Variants in KRT18 observed in about 807,000 individuals in gnomAD.
KRT18 encodes keratin 18, also known as keratin, type I cytoskeletal 18.
A neutral mutation model predicts 39.9 loss-of-function variants in KRT18; 8 were observed. The ratio of observed to expected loss-of-function variants is 0.20; its 90% confidence interval spans 0.12 to 0.36. The LOEUF is 0.36. KRT18 is among the 10% of genes least tolerant of loss of function. The pLI is 1.00. For missense variants in KRT18, 396 were observed against 565.7 expected, an observed-to-expected ratio of 0.70 and a Z score of 3.04; for synonymous variants, 194 against 227.8, an observed-to-expected ratio of 0.85 and a Z score of 1.33.
chr12:52,952,582 A>G (rs1942510265), intron 6 of KRT18, 140 bp from the exon 7 acceptor site: 2 of 1,013,930 alleles, frequency 2.0e-6, no homozygotes, highest in Non-Finnish European at 3.1e-6. Context: ...TTTGGCCTTG[A>G]GTTTCCCTTT....
At chr12:52,950,220 C>T in intron 1 of KRT18, 108 bp from the exon 2 acceptor site, 5 of 822,000 alleles carry the variant, frequency 6.1e-6, no homozygotes, top group Non-Finnish European at 1.1e-5. Flanking sequence ...TCTGGCTATT[C>T]CTGGGACCAG....
intron 1 of KRT18, 178 bp downstream of exon 1, chr12:52,949,768 C>T (rs1288832032): frequency 4.2e-6 from 3 of 719,724 alleles, no homozygotes; most frequent in Non-Finnish European, 7.7e-6. Context: ...AGCAGCTAGG[C>T]ATGGGAGGGC....
intron 1 of KRT18, chr12:52,949,945 A>G: frequency 1.6e-6 from 1 of 622,744 alleles, no homozygotes; most frequent in African/African-American, 1.8e-5. Context: ...TGAGTCATCT[A>G]GGAGTAAACA....
intron 5 of KRT18, 94 bp downstream of exon 5, chr12:52,951,950 T>C: frequency 6.7e-7 from 1 of 1,490,116 alleles, no homozygotes; most frequent in South Asian, 1.1e-5. Context: ...ATATCATGAG[T>C]TCCTTTAGCT....
chr12:52,950,322 C>T lies in KRT18; in HGVS notation c.418-6C>T. 6.3e-7 allele frequency: 1 copy of T among 1,592,630 alleles called. No homozygotes were observed. ...ATGGAACAACCTCTCTCTACAATCC[C>T]TCCAGATCTTCGCAAATACTGTGGA... is the stretch of plus-strand genomic sequence containing the variant. On this transcript the variant is annotated splice_region_variant and splice_polypyrimidine_tract_variant and intron_variant, in intron 1 of 6. Transcript: ENST00000388835.
At chr12:52,949,674 A>AC (rs777606363) in intron 1 of KRT18, 84 bp downstream of exon 1, 1 of 1,220,940 alleles carries the variant, frequency 8.2e-7, no homozygotes, top group Admixed American at 2.0e-5. Flanking sequence ...TCATTCCATA[A>AC]CCACCCAACC....
rs796361379 is a variant in KRT18, at chr12:52,949,473, C to A, written c.300C>A (p.Ser100Arg). The change falls in exon 1 of 7, where the codon AGC becomes AGA. Residue 100 changes from serine to arginine, a missense_variant. Coordinates refer to ENST00000388835, the MANE Select transcript of KRT18 (RefSeq NM_000224.3). ...CCTCTTACCTGGACAGAGTGAGGAG[C>A]CTGGAGACCGAGAACCGGAGGCTGG... is the stretch of plus-strand genomic sequence containing the variant. ...RLASYLDRVR[S>R]LETENRRLES... 1 of 1,502,654 alleles carries A rather than the reference C, an allele frequency of 6.7e-7. No individual in the cohort carries two copies. Among genetic ancestry groups the A allele is most frequent in the Non-Finnish European group, 8.9e-7 (1 of 1,122,736 alleles). The allele number at this position is 1,502,654 out of a possible 1,614,324, so 93.1% of individuals were successfully genotyped here.
At chr12:52,950,572 C>T (rs1942465080) in intron 2 of KRT18, 162 bp downstream of exon 2, 1 of 819,018 alleles carries the variant, frequency 1.2e-6, no homozygotes, top group South Asian at 1.4e-5. Flanking sequence ...ATTTGTATAA[C>T]CCCGTTTAAG....
intron 6 of KRT18, 185 bp downstream of exon 6, chr12:52,952,527 G>A: frequency 1.3e-6 from 1 of 776,344 alleles, no homozygotes; most frequent in Non-Finnish European, 2.2e-6. Flanking sequence ...CTTGAAGAAA[G>A]CAAACTAAGT....
At position 52,950,902 on chromosome 12, in the gene KRT18, A is replaced by G; in HGVS notation, c.653A>G (p.Glu218Gly). 1 of 1,575,292 alleles carries G rather than the reference A, an allele frequency of 6.3e-7. No homozygotes were observed. The highest frequency in any genetic ancestry group is 8.6e-7 in the Non-Finnish European group (1 of 1,162,444). ...CTGCTCTTCATGAAGAAGAACCACG[A>G]AGAGGCAAGCAGGGGCCACTGGCCA... ...EELLFMKKNH[E>G]EEVKGLQAQI... is the part of the protein sequence containing the mutation. Residue 218 changes from glutamate to glycine, a missense_variant, in exon 3 of 7, where the codon GAA becomes GGA. Physicochemically the swap from Glu to Gly is moderately conservative, Grantham distance 98. Transcript: ENST00000388835.
chr12:52,951,848 A>C lies in KRT18; in HGVS notation c.940A>C (p.Arg314=). ...QSLEIDLDSM[R]NLKASLENSL... is the part of the protein sequence containing the mutation. ...CTTGGAGATCGACCTGGACTCCATG[A>C]GAAATCTGGTGAGTGCCTTCACATC... The change falls in exon 5 of 7, where the codon AGA becomes CGA. Residue 314 remains arginine (R), a synonymous_variant. Transcript: ENST00000388835. 1 of 1,605,988 alleles carries C rather than the reference A, an allele frequency of 6.2e-7. No individual in the cohort carries two copies. Among genetic ancestry groups the C allele is most frequent in the Non-Finnish European group, 8.5e-7 (1 of 1,179,984 alleles).
At chr12:52,949,932 G>T in intron 1 of KRT18, 1 of 637,354 alleles carries the variant, frequency 1.6e-6, no homozygotes, top group East Asian at 2.7e-5. Context: ...ATGTGGCTAA[G>T]GCTGAGTCAT....
In KRT18 at chr12:52,952,188, G is replaced by T; in HGVS notation, c.1018G>T (p.Gly340Trp). The part of the protein sequence containing the change: ...RYALQMEQLN[G>W]ILLHLESELA... Reference sequence around the variant, plus strand: ...CGCCCTACAGATGGAGCAGCTCAACGGGATCCTGCTGCACCTTGAGTCAGA... The same window carrying T: ...CGCCCTACAGATGGAGCAGCTCAACTGGATCCTGCTGCACCTTGAGTCAGA... Residue 340 changes from glycine to tryptophan, a missense_variant, in exon 6 of 7, where the codon GGG becomes TGG. By Grantham distance (184) the Gly-to-Trp change is radical (BLOSUM62 -2). Coordinates refer to ENST00000388835, the MANE Select transcript of KRT18 (RefSeq NM_000224.3). 6.3e-7 allele frequency: 1 copy of T among 1,588,766 alleles called. No homozygotes were observed. The highest frequency in any genetic ancestry group is 2.3e-5 in the East Asian group (1 of 44,030).
Position 52,951,806 on chromosome 12 carries a change from A to G in KRT18, c.898A>G (p.Arg300Gly), listed in dbSNP as rs1185499795. Residue 300 changes from arginine to glycine, a missense_variant, in exon 5 of 7, where the codon AGA (arginine) becomes GGA (glycine). Arg to Gly is a moderately radical substitution (Grantham distance 125). Transcript: ENST00000388835. ...TGCTGAGACGACGCTCACAGAGCTGAGACGTACAGTCCAGTCCTTGGAGAT... is the reference window on the plus strand; with the variant it reads ...TGCTGAGACGACGCTCACAGAGCTGGGACGTACAGTCCAGTCCTTGGAGAT... The part of the protein sequence containing the change: ...GAAETTLTEL[R>G]RTVQSLEIDL... 1.2e-6 allele frequency: 2 copies of G among 1,610,920 alleles called. No homozygotes were observed. Among genetic ancestry groups the G allele is most frequent in the Non-Finnish European group, 1.7e-6 (2 of 1,180,012 alleles).
rs368939913 is a variant in KRT18, at chr12:52,949,120, C to A, written c.-54C>A. The A allele has an allele frequency of 1.5e-5, 20 of 1,359,254 alleles. No homozygotes were observed. The East Asian group carries it at 4.1e-4, about 28-fold the overall frequency. 84.2% of individuals were successfully genotyped at this position (1,359,254 alleles called of 1,614,324 possible). On this transcript the variant is annotated 5_prime_UTR_variant, in exon 1 of 7. Coordinates refer to ENST00000388835, the MANE Select transcript of KRT18 (RefSeq NM_000224.3). ...CTCGGGTCGCGCGGCTCGCGCAGGC[C>A]GCCACCGTCGTCCGCAAAGCCTGAG...
rs776198491 is a variant in KRT18, at chr12:52,950,379, G to A, written c.469G>A (p.Ala157Thr). The A allele has an allele frequency of 6.2e-7, 1 of 1,613,474 alleles. No homozygotes were observed. ...NARIVLQIDNARLAADDFRVK... is the reference protein window; with the variant it reads ...NARIVLQIDNTRLAADDFRVK... ...CCGCATCGTTCTGCAGATTGACAAT[G>A]CCCGTCTTGCTGCTGATGACTTTAG... Residue 157 changes from alanine to threonine, a missense_variant, in exon 2 of 7, where the codon GCC becomes ACC. Coordinates refer to ENST00000388835, the MANE Select transcript of KRT18 (RefSeq NM_000224.3).
chr12:52,951,964 A>G, intron 5 of KRT18, 108 bp downstream of exon 5: 1 of 1,453,214 alleles, frequency 6.9e-7, no homozygotes, highest in Non-Finnish European at 9.6e-7. Context: ...TTTAGCTCAG[A>G]AAGAGTCAGT....
Position 52,951,463 on chromosome 12 carries a change from T to G in KRT18, c.658-18T>G. ...TCTGACCCTGAACCCTCCTCACTTT[T>G]GCCCCTGTCACCTTTAGGAAGTAAA... On this transcript the variant is annotated intron_variant, in intron 3 of 6. Transcript: ENST00000388835. The G allele has an allele frequency of 6.2e-7, 1 of 1,613,780 alleles. No homozygotes were observed. Among genetic ancestry groups the G allele is most frequent in the South Asian group, 1.1e-5 (1 of 91,066 alleles).
rs761880219 is a variant in KRT18 at position 52,949,449 on chromosome 12, C to T, written c.276C>T (p.Ala92=). The T allele has an allele frequency of 1.2e-6, 2 of 1,613,314 alleles. No homozygotes were observed. Among genetic ancestry groups the T allele is most frequent in the Non-Finnish European group, 1.7e-6 (2 of 1,180,050 alleles). ...ETMQSLNDRL[A]SYLDRVRSLE... is the part of the protein sequence containing the mutation. The stretch of plus-strand genomic sequence containing the variant: ...TGCAAAGCCTGAACGACCGCCTGGC[C>T]TCTTACCTGGACAGAGTGAGGAGCC... Residue 92 remains alanine, a synonymous_variant, in exon 1 of 7, where the codon GCC becomes GCT. Coordinates refer to ENST00000388835, the MANE Select transcript of KRT18 (RefSeq NM_000224.3).
Sources: allele counts gnomAD v4.1 joint callset, GRCh38; gene constraint gnomAD v4.1.1; transcripts MANE v1.5; gene names NCBI Gene and HGNC (gene_info 2026-07-23, HGNC 2026-07-21).